PTPRD: variants seen among roughly 807,000 people sequenced by gnomAD.
PTPRD encodes the protein receptor-type tyrosine-protein phosphatase delta.
PTPRD carries 34 observed loss-of-function variants against 214.5 expected under a neutral mutation model. The observed-to-expected ratio is 0.16, with a 90% CI of 0.12 to 0.21. PTPRD has a LOEUF of 0.21. Ranked by LOEUF, PTPRD falls within the 10% of genes least tolerant of loss-of-function variation. The pLI is 1.00. For missense variants in PTPRD, 2,545 were observed against 2,398.7 expected (o/e 1.06, Z -1.27); for synonymous variants, 1,128 against 845.7 (o/e 1.33, Z -5.79).
chr9:9,395,077 T>C (rs2184077), intron 9 of PTPRD, among the ~76,000 whole-genome samples: 43,754 of 151,608 alleles, frequency 0.29, 7,276 homozygotes, highest in East Asian at 0.45. Flanking sequence ...GTCTCCACCA[T>C]GTGCCATTTG....
At chr9:10,269,473 G>T (rs561608940) in intron 3 of PTPRD, among the ~76,000 whole-genome samples, 28 of 152,228 alleles carry the variant, frequency 1.8e-4, no homozygotes, top group Non-Finnish European at 3.7e-4. Flanking sequence ...TCTGAGGGTT[G>T]CTTTCATCAT....
At chr9:8,802,912 T>G (rs1370205665) in intron 11 of PTPRD, among the ~76,000 whole-genome samples, 2 of 151,864 alleles carry the variant, frequency 1.3e-5, no homozygotes, top group African/African-American at 4.8e-5. Flanking sequence ...ATTAGCTTAG[T>G]GTGGTGGCAC....
At chr9:10,322,478 G>A (rs923796720) in intron 3 of PTPRD, among the ~76,000 whole-genome samples, 13 of 151,952 alleles carry the variant, frequency 8.6e-5, no homozygotes, top group African/African-American at 2.9e-4. Context: ...AATATACAGT[G>A]ATTTTAGGAT....
intron 8 of PTPRD, among the ~76,000 whole-genome samples, chr9:9,412,467 C>T (rs1452927293): frequency 6.6e-6 from 1 of 152,124 alleles, no homozygotes; most frequent in Non-Finnish European, 1.5e-5. Context: ...TAGAGACTCT[C>T]ATCCCCCAAG....
At chr9:8,809,452 C>T (rs552717113) in intron 11 of PTPRD, among the ~76,000 whole-genome samples, 7 of 152,268 alleles carry the variant, frequency 4.6e-5, no homozygotes, top group South Asian at 2.1e-4. Flanking sequence ...AACCCAATAA[C>T]CAACGTCTTT....
At chr9:8,385,451 T>C (rs1381300734) in intron 37 of PTPRD, among the ~76,000 whole-genome samples, 1 of 152,086 alleles carries the variant, frequency 6.6e-6, no homozygotes, top group Non-Finnish European at 1.5e-5. Context: ...AAATGTTAGA[T>C]TACAGTGAAC....
chr9:9,726,612 C>T (rs570996392), intron 7 of PTPRD, among the ~76,000 whole-genome samples: 1 of 152,272 alleles, frequency 6.6e-6, no homozygotes, highest in East Asian at 1.9e-4. Context: ...TCATCTTCCA[C>T]TATTTCTCAT....
At chr9:9,262,389 G>A (rs2099980529) in intron 9 of PTPRD, among the ~76,000 whole-genome samples, 1 of 150,834 alleles carries the variant, frequency 6.6e-6, no homozygotes, top group South Asian at 2.1e-4. Context: ...ATGTTTACAT[G>A]CTTTTTTCCC....
At chr9:9,736,343 T>C (rs924716737) in intron 6 of PTPRD, among the ~76,000 whole-genome samples, 3 of 152,132 alleles carry the variant, frequency 2.0e-5, no homozygotes, top group Non-Finnish European at 4.4e-5. Context: ...ATGAGATTCA[T>C]TCATCTTGTT....
intron 3 of PTPRD, among the ~76,000 whole-genome samples, chr9:10,201,199 A>G (rs928899017): frequency 5.3e-5 from 8 of 152,064 alleles, no homozygotes. Context: ...AACCATTTCA[A>G]CATGGAACAT....
At chr9:10,182,157 G>A (rs542218588) in intron 3 of PTPRD, among the ~76,000 whole-genome samples, 42 of 149,384 alleles carry the variant, frequency 2.8e-4, no homozygotes, top group African/African-American at 9.8e-4. Flanking sequence ...CTATTCGGGA[G>A]GCTGAGGCAG....
At chr9:8,858,812 CACACACACACACACACAT>C (rs1178784807) in intron 11 of PTPRD, among the ~76,000 whole-genome samples, 4 of 150,150 alleles carry the variant, frequency 2.7e-5, no homozygotes, top group East Asian at 2.0e-4. Flanking sequence ...CACACACACA[CACACACACACACACACAT>C]ACACACACAC....
rs534767594 is a variant in PTPRD at position 9,021,918 on chromosome 9, T to A, written c.-142-3183A>T. On this transcript the variant is annotated intron_variant, in intron 10 of 45. Coordinates refer to ENST00000381196, the MANE Select transcript of PTPRD (RefSeq NM_002839.4). ...GTTTCTAAAGTAAAAAATCTTAGCT[T>A]ACAATGAGAACACGTGGACACAGGG... is the stretch of plus-strand genomic sequence containing the variant. Among the ~76,000 whole-genome samples, 4 of 149,204 alleles carry A rather than the reference T, an allele frequency of 2.7e-5. 1 individual carries two copies. In the South Asian group the frequency reaches 8.4e-4, roughly 31 times the overall value.
chr9:9,442,315 G>A (rs1383082863), intron 8 of PTPRD: 1 of 152,230 alleles, frequency 6.6e-6, no homozygotes, highest in Non-Finnish European at 1.5e-5. Context: ...TGCTACTGGT[G>A]TCCCCTAATT....
chr9:8,372,421 C>T (rs72691034), intron 39 of PTPRD, among the ~76,000 whole-genome samples: 18,642 of 151,944 alleles, frequency 0.12, 1,823 homozygotes, highest in East Asian at 0.34. Context: ...TGTCATCTTA[C>T]TTAATTTTTA....
chr9:10,093,419 A>T (rs1184621000), intron 3 of PTPRD, among the ~76,000 whole-genome samples: 1 of 151,490 alleles, frequency 6.6e-6, no homozygotes, highest in East Asian at 1.9e-4. Flanking sequence ...ACCAGTCAGA[A>T]TGGCGATTCC....
chr9:8,802,172 C>A (rs1409859090), intron 11 of PTPRD, among the ~76,000 whole-genome samples: 5 of 152,150 alleles, frequency 3.3e-5, no homozygotes, highest in Non-Finnish European at 5.9e-5. Context: ...GATTAATAAA[C>A]TCTAACTAGA....
intron 11 of PTPRD, among the ~76,000 whole-genome samples, chr9:8,751,919 C>T (rs1239601700): frequency 6.6e-6 from 1 of 152,166 alleles, no homozygotes; most frequent in African/African-American, 2.4e-5. Context: ...AAAGTCTATT[C>T]CCTTCCTGGA....
chr9:9,295,263 G>A (rs1367872725), intron 9 of PTPRD, among the ~76,000 whole-genome samples: 1 of 151,654 alleles, frequency 6.6e-6, no homozygotes, highest in Non-Finnish European at 1.5e-5. Flanking sequence ...TTTATTACAA[G>A]GCTGGAGGTA....
Sources: allele counts gnomAD v4.1 joint callset (sites outside exome capture counted in the v4.1 genomes callset), GRCh38; gene constraint gnomAD v4.1.1; transcripts MANE v1.5; gene names NCBI Gene and HGNC (gene_info 2026-07-23, HGNC 2026-07-21).